Variants in EFCAB6 observed in about 807,000 individuals in gnomAD.
EFCAB6 encodes the protein EF-hand calcium-binding domain-containing protein 6.
In EFCAB6, 156 loss-of-function variants were observed where a neutral mutation model predicts 169.8. That is an observed-to-expected ratio of 0.92 (90% CI 0.81 to 1.05). The LOEUF is 1.05. Among genes scored for constraint, EFCAB6 ranks in the 50% least tolerant of loss-of-function variants. The pLI is 0.00. For synonymous variants in EFCAB6, 698 were observed against 676.4 expected (o/e 1.03, Z -0.50); for missense variants, 1,800 against 1,829.1 (o/e 0.98, Z 0.29).
intron 4 of EFCAB6, among the ~76,000 whole-genome samples, 192 bp from the exon 5 acceptor site, chr22:43,765,585 A>G (rs1485357303): frequency 6.6e-6 from 1 of 152,192 alleles, no homozygotes; most frequent in Non-Finnish European, 1.5e-5. Flanking sequence ...CTCAGCAAAT[A>G]GAGTGTAAAT....
chr22:43,547,210 C>A (rs530852782), intron 27 of EFCAB6, among the ~76,000 whole-genome samples: 2 of 152,082 alleles, frequency 1.3e-5, no homozygotes, highest in Non-Finnish European at 2.9e-5. Flanking sequence ...TGCCCTGTAG[C>A]GCTCATGAGG....
intron 26 of EFCAB6, among the ~76,000 whole-genome samples, chr22:43,559,422 A>C (rs2048897751): frequency 1.3e-5 from 2 of 152,236 alleles, no homozygotes; most frequent in Non-Finnish European, 2.9e-5. Flanking sequence ...TGGGAGTATA[A>C]ATTAGTTCAA....
chr22:43,802,240 A>C (rs1358706359), intron 2 of EFCAB6, among the ~76,000 whole-genome samples: 2 of 152,190 alleles, frequency 1.3e-5, no homozygotes, highest in African/African-American at 4.8e-5. Flanking sequence ...AGGACATGAA[A>C]GAAGATAAAA....
intron 29 of EFCAB6, chr22:43,535,115 C>T: frequency 2.0e-6 from 1 of 487,910 alleles, no homozygotes; most frequent in Non-Finnish European, 3.6e-6. Flanking sequence ...ATGGTCACAG[C>T]TTATGGACAG....
chr22:43,743,347 C>A (rs577418295), intron 6 of EFCAB6, among the ~76,000 whole-genome samples: 1 of 152,142 alleles, frequency 6.6e-6, no homozygotes, highest in African/African-American at 2.4e-5. Flanking sequence ...TGTATCAAAT[C>A]GCCTCTTTGC....
In EFCAB6 at chr22:43,612,856, T is replaced by C. The variant is rs2053413493; in HGVS notation, c.2562+2970A>G. Among the ~76,000 whole-genome samples the C allele has an allele frequency of 1.3e-5, 2 of 150,156 alleles. 1 individual carries two copies. Among genetic ancestry groups the C allele is most frequent in the South Asian group, 4.2e-4 (2 of 4,782 alleles). ...TTGCAGTGAGCCTAGATCATGCCAC[T>C]GCACTCCAGCCTGGCAGACAGAGTG... is the stretch of plus-strand genomic sequence containing the variant. On this transcript the variant is annotated intron_variant, in intron 21 of 31. Transcript: ENST00000262726.
At chr22:43,644,510 A>G (rs2056024417) in intron 17 of EFCAB6, among the ~76,000 whole-genome samples, 1 of 152,220 alleles carries the variant, frequency 6.6e-6, no homozygotes, top group African/African-American at 2.4e-5. Context: ...TGATCCCCAC[A>G]TTAATTCTAT....
chr22:43,637,121 G>A (rs996473734), intron 17 of EFCAB6, among the ~76,000 whole-genome samples: 4 of 152,170 alleles, frequency 2.6e-5, no homozygotes, highest in African/African-American at 9.7e-5. Context: ...GAAAGGATGG[G>A]AGGCCTCTAA....
In EFCAB6 at chr22:43,537,377, C is replaced by A. The variant is rs1250321197; in HGVS notation, c.4048G>T (p.Ala1350Ser). 6.2e-7 allele frequency: 1 copy of A among 1,613,972 alleles called. No homozygotes were observed. ...CCAAGCAGATAGAATCTGAACGAAC[C>A]CAGGAAATCGGAGGCGTTGATGTCC... ...QGDINASDFL[A>S]LVEKFNLDIS... is the part of the protein sequence containing the mutation. The change falls in exon 29 of 32, where the codon GCT becomes TCT. Residue 1350 changes from alanine (A) to serine (S), a missense_variant and splice_region_variant. By Grantham distance (99) the Ala-to-Ser change is moderately conservative. Coordinates refer to ENST00000262726, the MANE Select transcript of EFCAB6 (RefSeq NM_022785.4). The surrounding 1 kb of genome is among the most constrained non-coding windows in gnomAD (Gnocchi z 4.3).
chr22:43,687,139 C>G (rs1305197702), intron 11 of EFCAB6, among the ~76,000 whole-genome samples: 1 of 152,208 alleles, frequency 6.6e-6, no homozygotes, highest in Non-Finnish European at 1.5e-5. Flanking sequence ...AGCTAGGGAG[C>G]AGTGCTTGCC....
chr22:43,582,677 C>T (rs79698940), intron 24 of EFCAB6, among the ~76,000 whole-genome samples: 8 of 152,084 alleles, frequency 5.3e-5, no homozygotes, highest in South Asian at 4.2e-4. Flanking sequence ...GATGGTAGAT[C>T]GCAGACCTAG....
intron 26 of EFCAB6, among the ~76,000 whole-genome samples, chr22:43,560,236 T>C (rs757497892): frequency 4.1e-4 from 62 of 152,280 alleles, no homozygotes; most frequent in Non-Finnish European, 1.5e-4. Flanking sequence ...ATTAGACATA[T>C]TGATATCAAC....
At chr22:43,579,955 A>C (rs566171337) in intron 25 of EFCAB6, among the ~76,000 whole-genome samples, 17 of 152,352 alleles carry the variant, frequency 1.1e-4, no homozygotes, top group Admixed American at 2.0e-4. Context: ...TGCAAGCATC[A>C]TTCCATACAC....
intron 7 of EFCAB6, among the ~76,000 whole-genome samples, chr22:43,733,078 T>C (rs1234315707): frequency 6.6e-6 from 1 of 152,198 alleles, no homozygotes; most frequent in Non-Finnish European, 1.5e-5. Flanking sequence ...TTTTTCCACT[T>C]TGATGACTCT....
In EFCAB6 at chr22:43,540,215, A is replaced by C; in HGVS notation, c.3791T>G (p.Val1264Gly). Residue 1264 changes from valine (V) to glycine (G), a missense_variant, in exon 28 of 32, where the codon GTC becomes GGC. Transcript: ENST00000262726. ...DSAVAQRGSSVPDVSEGTRSA... is the reference protein window; with the variant it reads ...DSAVAQRGSSGPDVSEGTRSA... ...TCTGGTGCCTTCCGAGACGTCAGGG[A>C]CACTGCTCCCTCTCTGGGCCACGGC... 6.2e-7 allele frequency: 1 copy of C among 1,614,204 alleles called. No individual in the cohort carries two copies. Among genetic ancestry groups the C allele is most frequent in the Non-Finnish European group, 8.5e-7 (1 of 1,180,038 alleles).
chr22:43,722,008 A>G (rs567129152), intron 8 of EFCAB6, among the ~76,000 whole-genome samples: 1 of 152,296 alleles, frequency 6.6e-6, no homozygotes, highest in South Asian at 2.1e-4. Flanking sequence ...AAGTCCTAAT[A>G]TCTAAAATCT....
rs537965561 is a variant in EFCAB6 at position 43,647,338 on chromosome 22, C to T, written c.1984-12122G>A. On this transcript the variant is annotated intron_variant, in intron 17 of 31. Coordinates refer to ENST00000262726, the MANE Select transcript of EFCAB6 (RefSeq NM_022785.4). ...GGCAAAATATGGAACTATAACAAAA[C>T]AAAAAGACATGATATATTTGGAAAA... 3.9e-5 allele frequency among the ~76,000 whole-genome samples: 6 copies of T among 152,000 alleles called. No individual in the cohort carries two copies. In the South Asian group the frequency reaches 1.2e-3, roughly 32 times the overall value.
rs181761081 is a variant in EFCAB6, at chr22:43,690,262, G to A, written c.1032-2681C>T. On this transcript the variant is annotated intron_variant, in intron 10 of 31. Transcript: ENST00000262726. ...CGCCTGTAATCCCAGCACTTTGGGA[G>A]GCGGAGGCAGGCGGATCACGAGGTC... Among the ~76,000 whole-genome samples the A allele has an allele frequency of 3.4e-3, 513 of 151,790 alleles. 3 individuals carry two copies. The highest frequency in any genetic ancestry group is 5.2e-3 in the Non-Finnish European group (350 of 67,950).
At chr22:43,630,348 G>C (rs2054847029) in intron 19 of EFCAB6, among the ~76,000 whole-genome samples, 1 of 152,186 alleles carries the variant, frequency 6.6e-6, no homozygotes, top group South Asian at 2.1e-4. Context: ...GGGATAGAGT[G>C]GGTGTCGGTG....
Sources: gnomAD v4.1 joint callset for allele counts (sites outside exome capture counted in the v4.1 genomes callset) on GRCh38, gnomAD v4.1.1 for gene constraint, Gnocchi (gnomAD v3.1) non-coding constraint, MANE v1.5 for transcripts, NCBI Gene and HGNC (gene_info 2026-07-23, HGNC 2026-07-21) for gene names.